The following TTLL6 variants were observed in gnomAD, a reference collection of about 807,000 sequenced individuals.
TTLL6 encodes the protein tubulin tyrosine ligase like 6.
In TTLL6, 75 loss-of-function variants were observed where a neutral mutation model predicts 96.4. The ratio of observed to expected loss-of-function variants is 0.78; its 90% CI spans 0.65 to 0.94. TTLL6 has a LOEUF of 0.94. Ranked by LOEUF, TTLL6 falls within the 40% of genes least tolerant of loss-of-function variation. TTLL6 has a pLI of 0.00. For synonymous variants in TTLL6, 411 were observed against 419.4 expected (o/e 0.98, Z 0.24); for missense variants, 1,030 against 1,093.0 (o/e 0.94, Z 0.81).
intron 10 of TTLL6, among the ~76,000 whole-genome samples, chr17:48,788,403 G>A (rs1479527458): frequency 3.9e-5 from 6 of 152,192 alleles, no homozygotes; most frequent in South Asian, 2.1e-4. Context: ...CTTGATGACC[G>A]TTTACGAGCT....
chr17:48,784,262 C>T (rs477298), intron 13 of TTLL6, among the ~76,000 whole-genome samples: 16,818 of 151,968 alleles, frequency 0.11, 1,195 homozygotes, highest in Non-Finnish European at 0.16. Context: ...AAAATTAGCC[C>T]GGCATGGTGG....
At chr17:48,814,212 G>A (rs552744356) in intron 1 of TTLL6, among the ~76,000 whole-genome samples, 78 of 151,292 alleles carry the variant, frequency 5.2e-4, no homozygotes, top group African/African-American at 1.8e-3. Flanking sequence ...CCAGCTACTC[G>A]GTAGGCTGGG....
chr17:48,768,882 G>T, intron 15 of TTLL6, 107 bp downstream of exon 15: 1 of 1,190,560 alleles, frequency 8.4e-7, no homozygotes, highest in Non-Finnish European at 1.2e-6. Context: ...CTACTTACCT[G>T]TATGTCTTTA....
At chr17:48,813,677 C>T (rs2039625126) in intron 1 of TTLL6, among the ~76,000 whole-genome samples, 1 of 152,208 alleles carries the variant, frequency 6.6e-6, no homozygotes, top group Admixed American at 6.5e-5. Context: ...CCAGATTTGC[C>T]ATAACCTGGT....
At chr17:48,768,707 A>G (rs1322609565) in intron 15 of TTLL6, among the ~76,000 whole-genome samples, 1 of 151,814 alleles carries the variant, frequency 6.6e-6, no homozygotes, top group East Asian at 1.9e-4. Flanking sequence ...CACCCAGCTA[A>G]TTTTTAAATT....
At chr17:48,791,743 A>T in intron 8 of TTLL6, 140 bp from the exon 9 acceptor site, 1 of 677,480 alleles carries the variant, frequency 1.5e-6, no homozygotes, top group Non-Finnish European at 2.5e-6. Context: ...CCAGGGTGAC[A>T]CCTGGGCTGT....
At chr17:48,776,119 C>T (rs2143242733) in intron 13 of TTLL6, among the ~76,000 whole-genome samples, 1 of 152,196 alleles carries the variant, frequency 6.6e-6, no homozygotes, top group Middle Eastern at 3.4e-3. Flanking sequence ...TTGAAAGTGA[C>T]ATATGATGAA....
chr17:48,800,647 T>C (rs952647762), intron 5 of TTLL6, among the ~76,000 whole-genome samples: 1 of 152,052 alleles, frequency 6.6e-6, no homozygotes, highest in Admixed American at 6.6e-5. Flanking sequence ...GCCATGTGAG[T>C]ATAATCTGAT....
At chr17:48,764,195 A>G (rs1203757184) in intron 15 of TTLL6, among the ~76,000 whole-genome samples, 3 of 152,168 alleles carry the variant, frequency 2.0e-5, no homozygotes, top group African/African-American at 7.2e-5. Flanking sequence ...CAACTCTTAT[A>G]CAGATCTGCA....
chr17:48,766,072 C>G (rs903869683), intron 15 of TTLL6, among the ~76,000 whole-genome samples: 6 of 152,180 alleles, frequency 3.9e-5, no homozygotes, highest in Admixed American at 1.3e-4. Flanking sequence ...AAAAGTGACA[C>G]GAAGAATCAG....
At chr17:48,808,937 C>T (rs900090412) in intron 1 of TTLL6, among the ~76,000 whole-genome samples, 15 of 152,200 alleles carry the variant, frequency 9.9e-5, no homozygotes, top group African/African-American at 3.6e-4. Context: ...CTGCACCCTT[C>T]CACCTTTCTC....
At chr17:48,812,701 C>T (rs971688380) in intron 1 of TTLL6, among the ~76,000 whole-genome samples, 1 of 152,186 alleles carries the variant, frequency 6.6e-6, no homozygotes, top group Non-Finnish European at 1.5e-5. Context: ...ATTCTCAGCT[C>T]CTAGCAGTGT....
At chr17:48,795,872 T>C (rs1255903200) in intron 8 of TTLL6, among the ~76,000 whole-genome samples, 189 bp downstream of exon 8, 2 of 152,216 alleles carry the variant, frequency 1.3e-5, no homozygotes, top group African/African-American at 4.8e-5. Flanking sequence ...GGCCTTCTTT[T>C]AATGATTAAC....
chr17:48,816,372 G>A (rs2039667830), intron 1 of TTLL6, among the ~76,000 whole-genome samples: 1 of 151,686 alleles, frequency 6.6e-6, no homozygotes, highest in Admixed American at 6.6e-5. Flanking sequence ...ACATACTGGT[G>A]CTTTCAAAAC....
rs1012103873 is a variant in TTLL6, at chr17:48,786,222, C to T, written c.1703G>A (p.Arg568Lys). The stretch of plus-strand genomic sequence containing the variant: ...CTGCTGTTGTTTCTGTTGCCAGCCC[C>T]TCATGCCCTTCTTTCTCACTTGCTC... ...AGEQVRKKGM[R>K]GWQQKQQQKD... Residue 568 changes from arginine to lysine, a missense_variant, in exon 12 of 16, where the codon AGG becomes AAG. Transcript: ENST00000393382. 1.2e-6 allele frequency: 2 copies of T among 1,614,228 alleles called. No individual in the cohort carries two copies. The highest frequency in any genetic ancestry group is 1.7e-6 in the Non-Finnish European group (2 of 1,180,046).
chr17:48,767,045 C>T (rs1410688252), intron 15 of TTLL6, among the ~76,000 whole-genome samples: 5 of 152,190 alleles, frequency 3.3e-5, no homozygotes, highest in Non-Finnish European at 7.3e-5. Flanking sequence ...GCTGGGACTA[C>T]AGGCACGTGC....
chr17:48,817,083 A>ACAGCCC lies in TTLL6; in HGVS notation c.-17_-12dup. ...GAGTAACGCTCCCATTGGCTGCCAG[A>ACAGCCC]CAGCCCCAACCCCAACCCGCGCTCG... On this transcript the variant is annotated 5_prime_UTR_variant, in exon 1 of 16. Transcript: ENST00000393382. 2.6e-6 allele frequency: 4 copies of ACAGCCC among 1,536,848 alleles called. No homozygotes were observed. The highest frequency in any genetic ancestry group is 3.5e-6 in the Non-Finnish European group (4 of 1,142,286).
chr17:48,768,849 C>T (rs1469955641), intron 15 of TTLL6, 140 bp downstream of exon 15: 8 of 977,934 alleles, frequency 8.2e-6, no homozygotes, highest in African/African-American at 1.6e-5. Flanking sequence ...GCCAGGGTCA[C>T]ATTTTTACTA....
chr17:48,791,397 A>C lies in TTLL6; in HGVS notation c.1205T>G (p.Leu402Arg). 1 of 1,614,082 alleles carries C rather than the reference A, an allele frequency of 6.2e-7. No homozygotes were observed. Reference sequence around the variant, plus strand: ...CCCTACCTCCAGCAGCCAGGGTTTGAGTTTGTGGTCCAACAAAATGTCAAA... The same window carrying C: ...CCCTACCTCCAGCAGCCAGGGTTTGCGTTTGTGGTCCAACAAAATGTCAAA... ...LGFDILLDHK[L>R]KPWLLEVNHS... Residue 402 changes from leucine (L) to arginine (R), a missense_variant, in exon 9 of 16, where the codon CTC (leucine) becomes CGC (arginine). Coordinates refer to ENST00000393382, the MANE Select transcript of TTLL6 (RefSeq NM_001130918.3).
Sources: gnomAD v4.1 joint callset for allele counts (sites outside exome capture counted in the v4.1 genomes callset) on GRCh38, gnomAD v4.1.1 for gene constraint, MANE v1.5 for transcripts, NCBI Gene and HGNC (gene_info 2026-07-23, HGNC 2026-07-21) for gene names.